Variants in ABCC11 observed in about 807,000 individuals in gnomAD.
The protein encoded by ABCC11 is ATP binding cassette subfamily C member 11, also known as ATP-binding cassette sub-family C member 11.
Under a neutral mutation model 149.3 loss-of-function variants are expected in ABCC11, and 135 were observed. That is an observed-to-expected ratio of 0.90 (90% CI 0.79 to 1.04). The LOEUF is 1.04. Ranked by LOEUF, ABCC11 falls within the 50% of genes least tolerant of loss-of-function variation. ABCC11 has a pLI of 0.00. For synonymous variants in ABCC11, 665 were observed against 671.4 expected, an observed-to-expected ratio of 0.99 and a Z score of 0.15; for missense variants, 1,680 against 1,722.1, an observed-to-expected ratio of 0.98 and a Z score of 0.43.
Position 48,231,530 on chromosome 16 carries a change from G to A in ABCC11, c.99+293C>T, listed in dbSNP as rs1467417124. Among the ~76,000 whole-genome samples, 2 of 152,028 alleles carry A rather than the reference G, an allele frequency of 1.3e-5. 1 individual carries two copies. Among genetic ancestry groups the A allele is most frequent in the Non-Finnish European group, 2.9e-5 (2 of 67,976 alleles). ...ATTTAAAAATTAGCTGGGCGTAGTGGTATGTGCCTATAGTCCCAGCTAGCT... is the reference window on the plus strand; with the variant it reads ...ATTTAAAAATTAGCTGGGCGTAGTGATATGTGCCTATAGTCCCAGCTAGCT... On this transcript the variant is annotated intron_variant, in intron 2 of 29. Transcript: ENST00000356608.
At position 48,216,102 on chromosome 16, in the gene ABCC11, G is replaced by A; in HGVS notation, c.951+12C>T. ...GGCCCAGCATCAAATGGGTGACAGA[G>A]AAAGACATTACCGCCAGTGGGAAAA... On this transcript the variant is annotated intron_variant, in intron 7 of 29. Coordinates refer to ENST00000356608, the MANE Select transcript of ABCC11 (RefSeq NM_001370497.1). 3 of 1,612,794 alleles carry A rather than the reference G, an allele frequency of 1.9e-6. No individual in the cohort carries two copies. Among genetic ancestry groups the A allele is most frequent in the Non-Finnish European group, 2.5e-6 (3 of 1,179,330 alleles).
intron 28 of ABCC11, 66 bp from the exon 29 acceptor site, chr16:48,167,726 G>A (rs1306108226): frequency 9.0e-6 from 14 of 1,551,694 alleles, no homozygotes; most frequent in Middle Eastern, 1.7e-4. Context: ...TCTAGCCCTG[G>A]TTTACCACTA....
chr16:48,177,567 C>T (rs117810722), intron 24 of ABCC11, among the ~76,000 whole-genome samples: 1,911 of 152,308 alleles, frequency 0.013, 17 homozygotes, highest in Non-Finnish European at 0.02. Context: ...AGATCAACAA[C>T]TTACTTAACG....
intron 1 of ABCC11, among the ~76,000 whole-genome samples, chr16:48,241,725 C>T (rs549053888): frequency 2.0e-5 from 3 of 152,138 alleles, no homozygotes; most frequent in Non-Finnish European, 4.4e-5. Context: ...GAACAGAGCC[C>T]TCAGAAATAA....
Position 48,196,119 on chromosome 16 carries a change from C to T in ABCC11, c.2404+113G>A, listed in dbSNP as rs1967383691. On this transcript the variant is annotated intron_variant, in intron 18 of 29. Coordinates refer to ENST00000356608, the MANE Select transcript of ABCC11 (RefSeq NM_001370497.1). ...TTTTGCAAGTTAGGCCAATAAATAC[C>T]ATGGCTCCTCTGGACCTCTCTACTT... 4.8e-6 allele frequency: 5 copies of T among 1,050,120 alleles called. No individual in the cohort carries two copies. In the African/African-American group the frequency reaches 4.8e-5, roughly 10 times the overall value. 65.1% of individuals were successfully genotyped at this position (1,050,120 alleles called of 1,614,324 possible).
intron 22 of ABCC11, among the ~76,000 whole-genome samples, chr16:48,186,407 G>C (rs1030126406): frequency 3.9e-5 from 6 of 152,116 alleles, no homozygotes; most frequent in Non-Finnish European, 8.8e-5. Context: ...TTTTCCACCA[G>C]ACTATGAACT....
Position 48,231,841 on chromosome 16 carries a change from C to A in ABCC11, c.81G>T (p.Met27Ile), listed in dbSNP as rs756705023. 21 of 1,614,000 alleles carry A rather than the reference C, an allele frequency of 1.3e-5. No homozygotes were observed. Among genetic ancestry groups the A allele is most frequent in the Non-Finnish European group, 1.8e-5 (21 of 1,180,028 alleles). The change falls in exon 2 of 30, where the codon ATG (methionine) becomes ATT (isoleucine). Residue 27 changes from methionine to isoleucine, a missense_variant. Physicochemically the swap from Met to Ile is conservative, Grantham distance 10. Coordinates refer to ENST00000356608, the MANE Select transcript of ABCC11 (RefSeq NM_001370497.1). ...TACTTACATAAATAAGTCCTGAAAC[C>A]ATGTCATCGCCTATGTCGATGCCAC... ...VNRGIDIGDD[M>I]VSGLIYKTYT...
intron 4 of ABCC11, among the ~76,000 whole-genome samples, chr16:48,225,999 G>C (rs1970044686): frequency 6.6e-6 from 1 of 152,084 alleles, no homozygotes. Flanking sequence ...TACTCACAAT[G>C]GTTAGAGAAG....
At chr16:48,219,999 T>C (rs572938693) in intron 6 of ABCC11, among the ~76,000 whole-genome samples, 10 of 152,136 alleles carry the variant, frequency 6.6e-5, no homozygotes, top group Middle Eastern at 3.2e-3. Context: ...AATTAATTAA[T>C]TGAATTAAAT....
chr16:48,222,223 T>C (rs1458696713), intron 6 of ABCC11, among the ~76,000 whole-genome samples: 1 of 151,980 alleles, frequency 6.6e-6, no homozygotes, highest in Non-Finnish European at 1.5e-5. Flanking sequence ...CCACCACAGA[T>C]GGCTGATTTT....
intron 1 of ABCC11, among the ~76,000 whole-genome samples, chr16:48,242,671 A>G (rs7191181): frequency 0.13 from 19,874 of 152,144 alleles, 1,610 homozygotes; most frequent in African/African-American, 0.23. Context: ...GATAGACTGG[A>G]TTAAGAAAAT....
At chr16:48,184,744 C>T (rs533676525) in intron 22 of ABCC11, 118 bp from the exon 23 acceptor site, 7 of 1,059,972 alleles carry the variant, frequency 6.6e-6, no homozygotes, top group East Asian at 2.5e-5. Flanking sequence ...AGCAGCAGGG[C>T]CTGATTTTTC....
intron 1 of ABCC11, among the ~76,000 whole-genome samples, chr16:48,246,117 C>T (rs1971369820): frequency 6.6e-6 from 1 of 152,004 alleles, no homozygotes; most frequent in African/African-American, 2.4e-5. Context: ...CTCCCCCCAC[C>T]CCCGTTAAAA....
Position 48,175,270 on chromosome 16 carries a change from G to C in ABCC11, c.3686C>G (p.Ser1229Ter), listed in dbSNP as rs111697082. The C allele has an allele frequency of 5.6e-6, 9 of 1,611,226 alleles. No homozygotes were observed. The highest frequency in any genetic ancestry group is 4.0e-5 in the African/African-American group (3 of 74,910). The change falls in exon 26 of 30, where the codon TCA becomes TGA. Residue 1229 changes from serine (S) to a stop codon, truncating the protein, a stop_gained. Transcript: ENST00000356608. LOFTEE classifies it high-confidence loss of function. ...SVIPQDPVLL[S>*]GTIRFNLDPF... ...GCCCGGCACTCACCTGATGGTTCCT[G>C]AGAGCAGCACTGGATCTTGAGGGAT...
chr16:48,200,632 T>A (rs1233021752), intron 14 of ABCC11, among the ~76,000 whole-genome samples, 153 bp from the exon 15 acceptor site: 1 of 152,194 alleles, frequency 6.6e-6, no homozygotes, highest in Non-Finnish European at 1.5e-5. Context: ...ATTCTGGACT[T>A]AAAAATACAT....
intron 1 of ABCC11, chr16:48,244,389 A>G (rs745524521): frequency 1.1e-5 from 17 of 1,542,024 alleles, no homozygotes; most frequent in Non-Finnish European, 1.5e-5. Context: ...GGCTGCCAGC[A>G]TGTCATCAGT....
intron 13 of ABCC11, 132 bp from the exon 14 acceptor site, chr16:48,203,432 C>CCTG: frequency 1.5e-6 from 1 of 688,944 alleles, no homozygotes; most frequent in Non-Finnish European, 2.4e-6. Context: ...TGGTATAACA[C>CCTG]TGAAGGCTTT....
rs187958538 is a variant in ABCC11 at position 48,186,314 on chromosome 16, C to T, written c.3071+639G>A. Among the ~76,000 whole-genome samples the T allele has an allele frequency of 1.2e-4, 18 of 152,326 alleles. No homozygotes were observed. In the East Asian group the frequency reaches 3.1e-3, roughly 26 times the overall value. ...GCCACCTCCTTCCCCTCTGAATTCC[C>T]AAGCAGTTTATCTGCCCCTCTCTTA... On this transcript the variant is annotated intron_variant, in intron 22 of 29. Coordinates refer to ENST00000356608, the MANE Select transcript of ABCC11 (RefSeq NM_001370497.1).
At chr16:48,228,731 C>A (rs1303294266) in intron 3 of ABCC11, among the ~76,000 whole-genome samples, 1 of 152,054 alleles carries the variant, frequency 6.6e-6, no homozygotes, top group African/African-American at 2.4e-5. Flanking sequence ...TTGGAGTTGA[C>A]AAAGAAATAG....
Sources: allele counts gnomAD v4.1 joint callset (sites outside exome capture counted in the v4.1 genomes callset), GRCh38; gene constraint gnomAD v4.1.1; transcripts MANE v1.5; gene names NCBI Gene and HGNC (gene_info 2026-07-23, HGNC 2026-07-21).